The following DSG1 variants were observed in gnomAD, a reference collection of about 807,000 sequenced individuals.
The protein encoded by DSG1 is desmoglein 1.
DSG1 carries 39 observed loss-of-function variants against 97.5 expected under a neutral mutation model. The observed-to-expected ratio is 0.40, with a 90% CI of 0.31 to 0.52. The LOEUF (loss-of-function observed/expected upper bound fraction) is 0.52. DSG1 is among the 20% of genes least tolerant of loss of function. The probability of loss-of-function intolerance (pLI) is 0.53; values close to 1 mark genes in which losing one functional copy is unlikely to be tolerated. For synonymous variants in DSG1, 475 were observed against 443.4 expected, an observed-to-expected ratio of 1.07 and a Z score of -0.90; for missense variants, 1,311 against 1,295.4, an observed-to-expected ratio of 1.01 and a Z score of -0.18.
At position 31,335,487 on chromosome 18, in the gene DSG1, T is replaced by C. The variant is rs565833434; in HGVS notation, c.1006-867T>C. Among the ~76,000 whole-genome samples, 13 of 152,078 alleles carry C rather than the reference T, an allele frequency of 8.5e-5. No individual in the cohort carries two copies. The South Asian group carries it at 1.9e-3, about 22-fold the overall frequency. On this transcript the variant is annotated intron_variant, in intron 8 of 14. Coordinates refer to ENST00000257192, the MANE Select transcript of DSG1 (RefSeq NM_001942.4). ...GATAATTGTTTGCCCAGACATATCA[T>C]ATATTAAATCCTTTGTTATAGCTAT...
At position 31,334,112 on chromosome 18, in the gene DSG1, A is replaced by C; in HGVS notation, c.915A>C (p.Ala305=). 6.2e-7 allele frequency: 1 copy of C among 1,608,666 alleles called. No individual in the cohort carries two copies. The highest frequency in any genetic ancestry group is 8.5e-7 in the Non-Finnish European group (1 of 1,175,232). The part of the protein sequence containing the change: ...LDEEFSANWM[A]VIFFISGNEG... ...AAGAGTTCTCAGCTAACTGGATGGC[A>C]GTAATTTTCTTTATCTCTGGAAATG... Residue 305 remains alanine, a synonymous_variant, in exon 8 of 15, where the codon GCA becomes GCC. Transcript: ENST00000257192.
chr18:31,328,923 C>A (rs1377470238), intron 4 of DSG1, among the ~76,000 whole-genome samples: 1 of 152,140 alleles, frequency 6.6e-6, no homozygotes. Flanking sequence ...TTTACAGGAG[C>A]TGTCACATAG....
chr18:31,345,647 C>T (rs867570183), intron 13 of DSG1, among the ~76,000 whole-genome samples: 1 of 146,660 alleles, frequency 6.8e-6, no homozygotes, highest in Non-Finnish European at 1.5e-5. Flanking sequence ...TCTAGTTATA[C>T]ACTGTTTTTT....
intron 4 of DSG1, 72 bp downstream of exon 4, chr18:31,328,416 A>T: frequency 2.0e-6 from 3 of 1,477,400 alleles, no homozygotes; most frequent in Non-Finnish European, 2.8e-6. Flanking sequence ...CTCAGATCAT[A>T]CTTAATTTGA....
intron 14 of DSG1, chr18:31,347,789 A>G (rs1366237215): frequency 6.6e-6 from 1 of 152,130 alleles, no homozygotes; most frequent in Non-Finnish European, 1.5e-5. Flanking sequence ...ATGTTGCAAT[A>G]AACCTTCACA....
At chr18:31,344,628 G>T (rs563918662) in intron 13 of DSG1, among the ~76,000 whole-genome samples, 1 of 152,308 alleles carries the variant, frequency 6.6e-6, no homozygotes, top group South Asian at 2.1e-4. Context: ...ACATGGTGGA[G>T]TTTTTTCCAG....
At position 31,343,488 on chromosome 18, in the gene DSG1, G is replaced by A. The variant is rs1351809942; in HGVS notation, c.1726G>A (p.Ala576Thr). Residue 576 changes from alanine to threonine, a missense_variant, in exon 12 of 15, where the codon GCT (alanine) becomes ACT (threonine). Physicochemically the swap from Ala to Thr is moderately conservative, Grantham distance 58 (BLOSUM62 0). Transcript: ENST00000257192. ...FLMICCDCGG[A>T]PRSAAGFEPV... ...GATGATCTGTTGTGATTGTGGAGGT[G>A]CTCCTCGTAGTGCAGCTGGCTTTGA... The A allele has an allele frequency of 6.2e-7, 1 of 1,614,056 alleles. No individual in the cohort carries two copies.
intron 11 of DSG1, among the ~76,000 whole-genome samples, chr18:31,342,270 T>G (rs1426638700): frequency 6.6e-6 from 1 of 152,132 alleles, no homozygotes; most frequent in Non-Finnish European, 1.5e-5. Context: ...CTCTGGGTAC[T>G]GTAGTAAATA....
At chr18:31,321,923 G>A (rs111758396) in intron 1 of DSG1, among the ~76,000 whole-genome samples, 63 of 152,284 alleles carry the variant, frequency 4.1e-4, no homozygotes, top group Non-Finnish European at 7.9e-4. Flanking sequence ...GCCAGGCACC[G>A]CAATTAGATT....
intron 11 of DSG1, among the ~76,000 whole-genome samples, chr18:31,342,810 T>C (rs2071798177): frequency 6.6e-6 from 1 of 152,156 alleles, no homozygotes; most frequent in Non-Finnish European, 1.5e-5. Flanking sequence ...GCCTGACCTT[T>C]TCATCTTTCC....
At chr18:31,324,599 CCA>C (rs2071674639) in intron 1 of DSG1, among the ~76,000 whole-genome samples, 2 of 152,100 alleles carry the variant, frequency 1.3e-5, no homozygotes, top group African/African-American at 4.8e-5. Flanking sequence ...GTTCCCAATC[CCA>C]CAGTTTAAAA....
At chr18:31,321,529 A>G (rs897336680) in intron 1 of DSG1, among the ~76,000 whole-genome samples, 12 of 152,214 alleles carry the variant, frequency 7.9e-5, no homozygotes, top group African/African-American at 2.9e-4. Flanking sequence ...TAACAGTTAT[A>G]TGGTGTTCAT....
At chr18:31,350,449 C>T (rs1209537947) in intron 14 of DSG1, among the ~76,000 whole-genome samples, 1 of 145,692 alleles carries the variant, frequency 6.9e-6, no homozygotes, top group African/African-American at 2.6e-5. Flanking sequence ...TGTGTCTCTG[C>T]CTGGCTTTGG....
intron 14 of DSG1, among the ~76,000 whole-genome samples, chr18:31,353,046 C>G (rs1434435573): frequency 8.7e-5 from 13 of 149,092 alleles, no homozygotes; most frequent in African/African-American, 2.8e-4. Context: ...GAGAGGTGCT[C>G]TGCTTTTTAG....
Position 31,340,016 on chromosome 18 carries a change from G to C in DSG1, c.1678G>C (p.Val560Leu). The C allele has an allele frequency of 1.2e-6, 2 of 1,613,962 alleles. No individual in the cohort carries two copies. The highest frequency in any genetic ancestry group is 8.5e-7 in the Non-Finnish European group (1 of 1,179,940). The change falls in exon 11 of 15, where the codon GTC becomes CTC. Residue 560 changes from valine to leucine, a missense_variant. This residue lies in a region of DSG1 where 1,038 missense variants were observed against 964.6 expected (regional missense o/e 1.08). Transcript: ENST00000257192. ...GIGLLIMGFL[V>L]LGLVPFLMIC... ...TGGACTCCTCATCATGGGATTCTTG[G>C]TCTTAGGATGTAAGTACTTTAGCAA...
chr18:31,327,689 A>G (rs2071694867), intron 3 of DSG1, among the ~76,000 whole-genome samples: 1 of 152,182 alleles, frequency 6.6e-6, no homozygotes. Context: ...CATTTTCAGA[A>G]TTCAGAGCTT....
At chr18:31,343,650 A>G (rs1170443301) in intron 12 of DSG1, 67 bp downstream of exon 12, 1 of 1,607,652 alleles carries the variant, frequency 6.2e-7, no homozygotes, top group East Asian at 2.2e-5. Flanking sequence ...ACATGAACCA[A>G]GATGGCCGCC....
chr18:31,343,451 G>A lies in DSG1; in HGVS notation c.1689G>A (p.Leu563=). ...LLIMGFLVLG[L]VPFLMICCDC... is the part of the protein sequence containing the mutation. ...GTATTACTATCCCTCCACCACCAGT[G>A]GTCCCATTTTTGATGATCTGTTGTG... Residue 563 remains leucine (L), a splice_region_variant and synonymous_variant, in exon 12 of 15, where the codon TTG becomes TTA. Coordinates refer to ENST00000257192, the MANE Select transcript of DSG1 (RefSeq NM_001942.4). The A allele has an allele frequency of 1.2e-6, 2 of 1,614,080 alleles. No homozygotes were observed. The highest frequency in any genetic ancestry group is 1.7e-6 in the Non-Finnish European group (2 of 1,179,998).
At chr18:31,336,153 G>T (rs1185591886) in intron 8 of DSG1, among the ~76,000 whole-genome samples, 1 of 152,000 alleles carries the variant, frequency 6.6e-6, no homozygotes, top group East Asian at 1.9e-4. Flanking sequence ...GAATCTAGGG[G>T]AATTGAATTG....
Sources: allele counts gnomAD v4.1 joint callset (sites outside exome capture counted in the v4.1 genomes callset), GRCh38; gene constraint gnomAD v4.1.1; regional missense constraint gnomAD v4.1.1; transcripts MANE v1.5; gene names NCBI Gene and HGNC (gene_info 2026-07-23, HGNC 2026-07-21).